WRN: variants seen among roughly 807,000 people sequenced by gnomAD.
The protein encoded by WRN is bifunctional 3'-5' exonuclease/ATP-dependent helicase WRN.
WRN carries 149 observed loss-of-function variants against 180.7 expected under a neutral mutation model. That is an observed-to-expected ratio of 0.82 (90% CI 0.72 to 0.94). The LOEUF (loss-of-function observed/expected upper bound fraction) is 0.94, where lower values mean the gene tolerates loss of function less well. Among genes scored for constraint, WRN ranks in the 40% least tolerant of loss-of-function variants. The pLI is 0.00. For synonymous variants in WRN, 548 were observed against 568.9 expected (o/e 0.96, Z 0.52); for missense variants, 1,661 against 1,700.1 (o/e 0.98, Z 0.40).
chr8:31,119,445 C>T (rs1443590398), intron 20 of WRN, among the ~76,000 whole-genome samples: 3 of 151,826 alleles, frequency 2.0e-5, no homozygotes, highest in Admixed American at 6.6e-5. Flanking sequence ...CATTATTTAT[C>T]GACTCTTCTC....
At chr8:31,166,866 C>T (rs1317348419) in intron 33 of WRN, among the ~76,000 whole-genome samples, 156 bp from the exon 34 acceptor site, 1 of 152,086 alleles carries the variant, frequency 6.6e-6, no homozygotes, top group Non-Finnish European at 1.5e-5. Context: ...TACTCCATTT[C>T]CATTCCGTAA....
At chr8:31,105,240 TA>T (rs1398140437) in intron 18 of WRN, among the ~76,000 whole-genome samples, 1 of 152,226 alleles carries the variant, frequency 6.6e-6, no homozygotes, top group Non-Finnish European at 1.5e-5. Context: ...AGGTAGCTAT[TA>T]AAATCTTCAT....
chr8:31,057,388 G>C (rs1055725286), intron 1 of WRN, among the ~76,000 whole-genome samples: 2 of 151,966 alleles, frequency 1.3e-5, no homozygotes, highest in African/African-American at 4.8e-5. Flanking sequence ...GGCTAACATG[G>C]TGAAACCCCG....
At chr8:31,161,223 C>T (rs1197212963) in intron 33 of WRN, among the ~76,000 whole-genome samples, 1 of 152,126 alleles carries the variant, frequency 6.6e-6, no homozygotes, top group Non-Finnish European at 1.5e-5. Context: ...ATTCAATTTC[C>T]TCATCTCTAA....
chr8:31,158,966 A>T (rs979747325), intron 33 of WRN, among the ~76,000 whole-genome samples: 1 of 152,104 alleles, frequency 6.6e-6, no homozygotes, highest in South Asian at 2.1e-4. Context: ...GCATGTTCTT[A>T]CTTACAAGCA....
chr8:31,108,287 G>A (rs1040411743), intron 18 of WRN, among the ~76,000 whole-genome samples: 1 of 152,128 alleles, frequency 6.6e-6, no homozygotes, highest in Non-Finnish European at 1.5e-5. Context: ...GTGACTGCAG[G>A]CATAAACTGG....
At chr8:31,039,999 A>G (rs1033200977) in intron 1 of WRN, among the ~76,000 whole-genome samples, 5 of 152,224 alleles carry the variant, frequency 3.3e-5, no homozygotes, top group Admixed American at 6.5e-5. Flanking sequence ...GTAAAAGGTA[A>G]TATGGCTTGA....
At chr8:31,110,174 A>G (rs950906549) in intron 18 of WRN, among the ~76,000 whole-genome samples, 1 of 152,174 alleles carries the variant, frequency 6.6e-6, no homozygotes, top group African/African-American at 2.4e-5. Context: ...CCTTATTCTC[A>G]GCCTTATATT....
Position 31,076,264 on chromosome 8 carries a change from C to G in WRN, c.816C>G (p.Phe272Leu). The part of the protein sequence containing the change: ...MDLAKHLPHA[F>L]SKLENPRRVS... ...TGGCTAAGCATCTTCCTCATGCTTT[C>G]AGTAAATTGGAAAACCCACGGAGGT... Residue 272 changes from phenylalanine (F) to leucine (L), a missense_variant, in exon 8 of 35, where the codon TTC becomes TTG. This residue lies in a region of WRN where 500 missense variants were observed against 504.1 expected (regional missense o/e 0.99). Transcript: ENST00000298139. The G allele has an allele frequency of 6.2e-7, 1 of 1,612,938 alleles. No homozygotes were observed. Among genetic ancestry groups the G allele is most frequent in the South Asian group, 1.1e-5 (1 of 91,018 alleles).
intron 23 of WRN, 86 bp from the exon 24 acceptor site, chr8:31,132,279 T>A: frequency 6.7e-7 from 1 of 1,500,800 alleles, no homozygotes; most frequent in Non-Finnish European, 9.0e-7. Flanking sequence ...TATTTTTTAC[T>A]TGGCTAATTG....
chr8:31,173,184 G>C lies in WRN; in HGVS notation c.*82G>C. 7.5e-7 allele frequency: 1 copy of C among 1,331,910 alleles called. No homozygotes were observed. 82.5% of individuals were successfully genotyped at this position (1,331,910 alleles called of 1,614,324 possible). On this transcript the variant is annotated 3_prime_UTR_variant, in exon 35 of 35. Transcript: ENST00000298139. ...TTTTATTTCTGAAGAGTAAGGAGTA[G>C]TATTTTGGCTTAAAAATCATTCTAA...
chr8:31,137,344 G>A (rs945036818), intron 24 of WRN, among the ~76,000 whole-genome samples: 6 of 152,170 alleles, frequency 3.9e-5, no homozygotes, highest in Non-Finnish European at 8.8e-5. Flanking sequence ...AAAGCCAGAA[G>A]TGTAATTTTT....
chr8:31,054,314 C>T lies in WRN; in HGVS notation c.-76-4058C>T, dbSNP rs117069518. The stretch of plus-strand genomic sequence containing the variant: ...TGAAAGGGAAAACAACTTTTTATAC[C>T]ACCTGTGAATGAGATTAATTTTCGT... On this transcript the variant is annotated intron_variant, in intron 1 of 34. Transcript: ENST00000298139. 6.6e-3 allele frequency among the ~76,000 whole-genome samples: 1,006 copies of T among 152,184 alleles called. 8 individuals are homozygous for T. Among genetic ancestry groups the T allele is most frequent in the Non-Finnish European group, 0.011 (720 of 67,998 alleles).
chr8:31,155,631 A>AAT (rs1248753849), intron 32 of WRN, among the ~76,000 whole-genome samples: 14 of 152,112 alleles, frequency 9.2e-5, no homozygotes, highest in Non-Finnish European at 1.8e-4. Flanking sequence ...CCAAAAAAAA[A>AAT]AAAAAAAAAG....
chr8:31,131,163 T>TTTTTTTTTTTTTTTA lies in WRN; in HGVS notation c.2826-1196_2826-1195insTTTTTTTTATTTTTT, dbSNP rs1480491438. Reference sequence around the variant, plus strand: ...GGTGGAACCAAATTGCAACTTTCTTTTTTTTTGAGACAGAGTTTTGCTCTT... The same window carrying TTTTTTTTTTTTTTTA: ...GGTGGAACCAAATTGCAACTTTCTTTTTTTTTTTTTTTTTATTTTTTGAGACAGAGTTTTGCTCTT... On this transcript the variant is annotated intron_variant, in intron 23 of 34. Coordinates refer to ENST00000298139, the MANE Select transcript of WRN (RefSeq NM_000553.6). 1.8e-3 allele frequency among the ~76,000 whole-genome samples: 258 copies of TTTTTTTTTTTTTTTA among 143,676 alleles called. 7 individuals carry two copies. Among genetic ancestry groups the TTTTTTTTTTTTTTTA allele is most frequent in the Non-Finnish European group, 2.2e-3 (144 of 65,442 alleles). 94.3% of individuals were successfully genotyped at this position (143,676 alleles called of 152,430 possible). A position where few individuals can be genotyped will look rare whatever the true frequency, so the allele number is the denominator to read the frequency against.
At position 31,173,200 on chromosome 8, in the gene WRN, A is replaced by G. The variant is rs571070144; in HGVS notation, c.*98A>G. On this transcript the variant is annotated 3_prime_UTR_variant, in exon 35 of 35. Transcript: ENST00000298139. The stretch of plus-strand genomic sequence containing the variant: ...TAAGGAGTAGTATTTTGGCTTAAAA[A>G]TCATTCTAATTACAAAGTTCACTGT... 2.0e-5 allele frequency: 23 copies of G among 1,153,120 alleles called. No individual in the cohort carries two copies. Among genetic ancestry groups the G allele is most frequent in the Non-Finnish European group, 2.4e-5 (19 of 784,450 alleles). The allele number at this position is 1,153,120 out of a possible 1,614,324, so 71.4% of individuals were successfully genotyped here.
intron 7 of WRN, among the ~76,000 whole-genome samples, chr8:31,072,950 A>G (rs1585418035): frequency 6.6e-6 from 1 of 152,148 alleles, no homozygotes; most frequent in African/African-American, 2.4e-5. Context: ...AACAGTACCT[A>G]TAACTGAATG....
rs956939802 is a variant in WRN at position 31,035,761 on chromosome 8, A to G, written c.-77+1788A>G. Among the ~76,000 whole-genome samples, 6 of 152,326 alleles carry G rather than the reference A, an allele frequency of 3.9e-5. No homozygotes were observed. In the South Asian group the frequency reaches 8.3e-4, roughly 21 times the overall value. The stretch of plus-strand genomic sequence containing the variant: ...TTTATTGAGATATAATTAATATATC[A>G]TATGATTCACTCATTTAAAGTGTGC... On this transcript the variant is annotated intron_variant, in intron 1 of 34. Coordinates refer to ENST00000298139, the MANE Select transcript of WRN (RefSeq NM_000553.6).
chr8:31,068,159 C>T, intron 6 of WRN, 99 bp from the exon 7 acceptor site: 1 of 844,928 alleles, frequency 1.2e-6, no homozygotes. Context: ...TGTTTGGGTG[C>T]TTTGTGAATC....
Sources: gnomAD v4.1 joint callset for allele counts (sites outside exome capture counted in the v4.1 genomes callset) on GRCh38, gnomAD v4.1.1 for gene constraint, gnomAD v4.1.1 regional missense constraint, MANE v1.5 for transcripts, NCBI Gene and HGNC (gene_info 2026-07-23, HGNC 2026-07-21) for gene names.